Variants in PRPF18 observed in about 807,000 individuals in gnomAD.
PRPF18 encodes the protein pre-mRNA processing factor 18, also known as pre-mRNA-splicing factor 18.
A neutral mutation model predicts 46.5 loss-of-function variants in PRPF18; 38 were observed. The ratio of observed to expected loss-of-function variants is 0.82; its 90% CI spans 0.63 to 1.07. The LOEUF is 1.07. Among genes scored for constraint, PRPF18 ranks in the 50% least tolerant of loss-of-function variants. The pLI is 0.00. For synonymous variants in PRPF18, 152 were observed against 146.7 expected, an observed-to-expected ratio of 1.04 and a Z score of -0.26; for missense variants, 263 against 410.0, an observed-to-expected ratio of 0.64 and a Z score of 3.10.
intron 1 of PRPF18, among the ~76,000 whole-genome samples, chr10:13,597,005 A>G (rs1329200670): frequency 6.6e-6 from 1 of 151,998 alleles, no homozygotes; most frequent in Non-Finnish European, 1.5e-5. Context: ...AAGAACTTAC[A>G]CTCCTGGAGT....
intron 9 of PRPF18, 41 bp from the exon 10 acceptor site, chr10:13,630,219 A>T: frequency 6.8e-7 from 1 of 1,468,420 alleles, no homozygotes; most frequent in Non-Finnish European, 9.5e-7. Context: ...AGAATAATTT[A>T]ACCATGTCAT....
chr10:13,591,704 T>C, intron 1 of PRPF18: 1 of 815,422 alleles, frequency 1.2e-6, no homozygotes, highest in Non-Finnish European at 2.0e-6. Flanking sequence ...TTTGGGATTT[T>C]TACATCGCTG....
chr10:13,644,152 A>T, the PRPF18 span: 1 of 152,492 alleles, frequency 6.6e-6, no homozygotes, highest in African/African-American at 2.4e-5. Context: ...AATAAAATAA[A>T]AAATCAACCT....
intron 9 of PRPF18, among the ~76,000 whole-genome samples, chr10:13,618,705 A>T (rs765906753): frequency 2.0e-5 from 3 of 152,090 alleles, no homozygotes; most frequent in Non-Finnish European, 4.4e-5. Context: ...CCACCTAATA[A>T]CTTAGTGTAG....
At chr10:13,623,971 A>G (rs1256672278) in intron 9 of PRPF18, among the ~76,000 whole-genome samples, 4 of 152,180 alleles carry the variant, frequency 2.6e-5, no homozygotes, top group African/African-American at 9.7e-5. Flanking sequence ...TTATGTGTAC[A>G]GTTCACCAAT....
the PRPF18 span, chr10:13,652,224 A>C: frequency 1.8e-6 from 1 of 548,126 alleles, no homozygotes. Context: ...ACATCATAGC[A>C]AACAGTTTAT....
intron 9 of PRPF18, among the ~76,000 whole-genome samples, chr10:13,626,276 C>T (rs1490830402): frequency 6.6e-6 from 1 of 152,152 alleles, no homozygotes; most frequent in East Asian, 1.9e-4. Flanking sequence ...GGTTGAAGGA[C>T]TCCAGGAAGA....
intron 9 of PRPF18, among the ~76,000 whole-genome samples, chr10:13,617,672 C>T (rs1456284253): frequency 1.3e-5 from 2 of 152,128 alleles, no homozygotes; most frequent in African/African-American, 2.4e-5. Flanking sequence ...TTAAATCAAT[C>T]GTCTGAAAGA....
intron 1 of PRPF18, chr10:13,591,943 TGCC>T: frequency 8.3e-7 from 1 of 1,202,798 alleles, no homozygotes; most frequent in Non-Finnish European, 1.2e-6. Context: ...TTTTTTTTTT[TGCC>T]ATGGCTCAAC....
chr10:13,596,700 C>T (rs1452689282), intron 1 of PRPF18, among the ~76,000 whole-genome samples: 1 of 152,068 alleles, frequency 6.6e-6, no homozygotes, highest in Non-Finnish European at 1.5e-5. Flanking sequence ...ATCTTTTTAG[C>T]CACAGACAAG....
chr10:13,611,948 C>T (rs1290403679), intron 6 of PRPF18, among the ~76,000 whole-genome samples: 1 of 150,234 alleles, frequency 6.7e-6, no homozygotes, highest in Non-Finnish European at 1.5e-5. Flanking sequence ...GGTGTAATCT[C>T]AGCTCACTGC....
At chr10:13,596,130 A>T (rs2080032002) in intron 1 of PRPF18, among the ~76,000 whole-genome samples, 1 of 152,176 alleles carries the variant, frequency 6.6e-6, no homozygotes, top group Non-Finnish European at 1.5e-5. Flanking sequence ...GTTTCTTTTA[A>T]TGAAGAACGT....
At chr10:13,651,751 T>TAAAA in the PRPF18 span, 1 of 626,684 alleles carries the variant, frequency 1.6e-6, no homozygotes, top group Non-Finnish European at 2.9e-6. Context: ...AACCTTCAGC[T>TAAAA]AAAAACATAG....
intron 9 of PRPF18, among the ~76,000 whole-genome samples, chr10:13,617,016 ACTT>A (rs1466122871): frequency 6.6e-6 from 1 of 152,214 alleles, no homozygotes; most frequent in Non-Finnish European, 1.5e-5. Flanking sequence ...ACGTAACAAC[ACTT>A]CTTTAGTCAT....
intron 9 of PRPF18, among the ~76,000 whole-genome samples, chr10:13,625,781 A>G (rs2080494738): frequency 6.6e-6 from 1 of 152,246 alleles, no homozygotes; most frequent in South Asian, 2.1e-4. Flanking sequence ...TCTCACTGAT[A>G]GCACTAGAAG....
intron 9 of PRPF18, among the ~76,000 whole-genome samples, chr10:13,623,343 G>A (rs2080448101): frequency 6.6e-6 from 1 of 152,220 alleles, no homozygotes; most frequent in Admixed American, 6.5e-5. Context: ...GGTCAAATGA[G>A]CATTCCTATA....
chr10:13,614,949 T>C (rs776376124), intron 8 of PRPF18, among the ~76,000 whole-genome samples: 23 of 152,210 alleles, frequency 1.5e-4, no homozygotes, highest in Non-Finnish European at 2.5e-4. Context: ...TATCCAGTGC[T>C]GTATCTGTAT....
the PRPF18 span, chr10:13,651,883 C>A: frequency 1.3e-5 from 18 of 1,345,192 alleles, no homozygotes; most frequent in Non-Finnish European, 1.9e-5. Flanking sequence ...GCAGTAGGAA[C>A]AAAACTCCCC....
At chr10:13,650,013 G>T in the PRPF18 span, among the ~76,000 whole-genome samples, 1 of 152,208 alleles carries the variant, frequency 6.6e-6, no homozygotes, top group African/African-American at 2.4e-5. Flanking sequence ...TTCAGAATCT[G>T]TGGGGGCTTT....
Sources: gnomAD v4.1 joint callset for allele counts (sites outside exome capture counted in the v4.1 genomes callset) on GRCh38, gnomAD v4.1.1 for gene constraint, MANE v1.5 for transcripts, NCBI Gene and HGNC (gene_info 2026-07-23, HGNC 2026-07-21) for gene names.